The following CCSER1 variants were observed in gnomAD, a reference collection of about 807,000 sequenced individuals.
The protein encoded by CCSER1 is serine-rich coiled-coil domain-containing protein 1.
A neutral mutation model predicts 82.0 loss-of-function variants in CCSER1; 41 were observed. The observed-to-expected ratio is 0.50, with a 90% CI of 0.39 to 0.65. The LOEUF is 0.65. Among genes scored for constraint, CCSER1 ranks in the 30% least tolerant of loss-of-function variants. The pLI is 0.00. For synonymous variants in CCSER1, 414 were observed against 383.9 expected, an observed-to-expected ratio of 1.08 and a Z score of -0.92; for missense variants, 1,119 against 1,064.2, an observed-to-expected ratio of 1.05 and a Z score of -0.72.
chr4:90,408,404 T>G (rs1309555668), intron 4 of CCSER1, among the ~76,000 whole-genome samples: 2 of 152,138 alleles, frequency 1.3e-5, no homozygotes, highest in Admixed American at 1.3e-4. Context: ...GACTGACACC[T>G]CACACGGCCG....
At chr4:91,185,125 C>A (rs1406376024) in intron 10 of CCSER1, among the ~76,000 whole-genome samples, 1 of 152,122 alleles carries the variant, frequency 6.6e-6, no homozygotes, top group South Asian at 2.1e-4. Flanking sequence ...AATTTCTTTC[C>A]CTGAATAGTT....
intron 3 of CCSER1, among the ~76,000 whole-genome samples, chr4:90,337,747 A>C (rs994317770): frequency 1.3e-5 from 2 of 152,148 alleles, no homozygotes; most frequent in African/African-American, 4.8e-5. Context: ...ATCTGAAAAA[A>C]AGTAAGCTAT....
intron 7 of CCSER1, among the ~76,000 whole-genome samples, chr4:90,812,923 T>A (rs1758539158): frequency 6.6e-6 from 1 of 152,148 alleles, no homozygotes; most frequent in African/African-American, 2.4e-5. Flanking sequence ...CTGTGACACA[T>A]GGGAATTACA....
chr4:91,342,094 A>T (rs1273585610), intron 10 of CCSER1, among the ~76,000 whole-genome samples: 1 of 152,156 alleles, frequency 6.6e-6, no homozygotes, highest in Non-Finnish European at 1.5e-5. Flanking sequence ...ATAGGCTAAA[A>T]ATCTAAAAAA....
At chr4:91,184,784 T>C (rs1395062943) in intron 10 of CCSER1, among the ~76,000 whole-genome samples, 2 of 152,326 alleles carry the variant, frequency 1.3e-5, no homozygotes, top group East Asian at 3.9e-4. Context: ...GCAAATTTTT[T>C]TCTAGTTCCA....
chr4:90,838,355 AAATT>A (rs1254897198), intron 8 of CCSER1, among the ~76,000 whole-genome samples: 11 of 151,740 alleles, frequency 7.2e-5, no homozygotes, highest in Non-Finnish European at 1.5e-4. Flanking sequence ...TAATTAAAAT[AAATT>A]GTGTAAATAT....
At chr4:91,416,754 A>G (rs2204870) in intron 10 of CCSER1, among the ~76,000 whole-genome samples, 117,408 of 152,088 alleles carry the variant, frequency 0.77, 45,908 homozygotes, top group African/African-American at 0.9. Context: ...GAAAACCTTC[A>G]AAGAAAATCT....
chr4:91,590,503 T>G (rs1345625899), intron 10 of CCSER1, among the ~76,000 whole-genome samples: 1 of 152,154 alleles, frequency 6.6e-6, no homozygotes, highest in Non-Finnish European at 1.5e-5. Flanking sequence ...ACAGCAATGG[T>G]GCCAAAACCT....
At chr4:90,739,814 G>T (rs144827035) in intron 7 of CCSER1, among the ~76,000 whole-genome samples, 2 of 152,130 alleles carry the variant, frequency 1.3e-5, no homozygotes, top group African/African-American at 4.8e-5. Context: ...CTCTCTCCAC[G>T]GCAGGTGGCT....
intron 8 of CCSER1, among the ~76,000 whole-genome samples, chr4:90,873,477 C>T (rs1015440414): frequency 2.0e-5 from 3 of 152,006 alleles, no homozygotes; most frequent in African/African-American, 7.2e-5. Context: ...TATCTTGTTC[C>T]ACCTCCCCAG....
rs536300784 is a variant in CCSER1 at position 91,587,874 on chromosome 4, A to C, written c.2218-10698A>C. Among the ~76,000 whole-genome samples, 9 of 151,834 alleles carry C rather than the reference A, an allele frequency of 5.9e-5. No homozygotes were observed. In the South Asian group the frequency reaches 1.9e-3, roughly 31 times the overall value. ...CACAGTCTCTCTAGTCAGTTTCCTT[A>C]TAAAATCAAGGTATTAAAATACATT... On this transcript the variant is annotated intron_variant, in intron 10 of 10. Coordinates refer to ENST00000509176, the MANE Select transcript of CCSER1 (RefSeq NM_001145065.2).
At chr4:91,100,481 T>A (rs1174382597) in intron 10 of CCSER1, among the ~76,000 whole-genome samples, 1 of 152,152 alleles carries the variant, frequency 6.6e-6, no homozygotes, top group African/African-American at 2.4e-5. Context: ...CGTTGACTAG[T>A]CCACACCATG....
chr4:91,473,203 C>A (rs1757380420), intron 10 of CCSER1, among the ~76,000 whole-genome samples: 1 of 152,142 alleles, frequency 6.6e-6, no homozygotes, highest in Admixed American at 6.6e-5. Context: ...TCATCATAAA[C>A]ATTTTTAACT....
chr4:91,344,180 G>A (rs1290605367), intron 10 of CCSER1, among the ~76,000 whole-genome samples: 4 of 152,146 alleles, frequency 2.6e-5, no homozygotes, highest in Non-Finnish European at 4.4e-5. Context: ...AAAGGGATCT[G>A]AGAGAGTTTG....
At position 91,052,102 on chromosome 4, in the gene CCSER1, G is replaced by GT. The variant is rs972054917; in HGVS notation, c.2173-33842dup. Among the ~76,000 whole-genome samples, 20 of 151,944 alleles carry GT rather than the reference G, an allele frequency of 1.3e-4. No individual in the cohort carries two copies. The South Asian group carries it at 3.5e-3, about 27-fold the overall frequency. ...TTGATATAATTGTTATGGAACCCTA[G>GT]TTTTTTGTGGGAAAAAATGCCTTTT... On this transcript the variant is annotated intron_variant, in intron 9 of 10. Coordinates refer to ENST00000509176, the MANE Select transcript of CCSER1 (RefSeq NM_001145065.2).
intron 10 of CCSER1, among the ~76,000 whole-genome samples, chr4:91,131,645 G>T (rs1217237018): frequency 6.6e-6 from 1 of 151,980 alleles, no homozygotes. Flanking sequence ...TCAATCTGTT[G>T]ATCTAGATAG....
chr4:90,456,589 T>G (rs1459472063), intron 4 of CCSER1, among the ~76,000 whole-genome samples: 1 of 152,086 alleles, frequency 6.6e-6, no homozygotes, highest in East Asian at 1.9e-4. Context: ...TAGACCTCCA[T>G]GAAGGGAAAC....
intron 5 of CCSER1, among the ~76,000 whole-genome samples, chr4:90,554,409 T>C (rs1777879028): frequency 6.6e-6 from 1 of 152,100 alleles, no homozygotes; most frequent in African/African-American, 2.4e-5. Flanking sequence ...AAATAAATGA[T>C]GTTACACCCA....
At chr4:90,742,990 C>T (rs1468825559) in intron 7 of CCSER1, among the ~76,000 whole-genome samples, 1 of 151,928 alleles carries the variant, frequency 6.6e-6, no homozygotes. Context: ...TTTCATACCA[C>T]ACATAAGTAA....
Sources: allele counts gnomAD v4.1 joint callset (sites outside exome capture counted in the v4.1 genomes callset), GRCh38; gene constraint gnomAD v4.1.1; transcripts MANE v1.5; gene names NCBI Gene and HGNC (gene_info 2026-07-23, HGNC 2026-07-21).